Variants in RHOA observed in about 807,000 individuals in gnomAD.
RHOA encodes the protein transforming protein RhoA.
RHOA carries 3 observed loss-of-function variants against 17.5 expected under a neutral mutation model. The observed-to-expected ratio is 0.17, with a 90% confidence interval of 0.08 to 0.44. The LOEUF (loss-of-function observed/expected upper bound fraction) is 0.44, where lower values mean the gene tolerates loss of function less well. RHOA is among the 20% of genes least tolerant of loss of function. The pLI is 0.99. For missense variants in RHOA, 56 were observed against 242.3 expected (o/e 0.23, Z 5.10); for synonymous variants, 98 against 88.4 (o/e 1.11, Z -0.61).
chr3:49,390,499 G>A (rs2107877689), intron 1 of RHOA, among the ~76,000 whole-genome samples: 1 of 151,480 alleles, frequency 6.6e-6, no homozygotes, highest in East Asian at 2.0e-4. Flanking sequence ...CCTGACCACA[G>A]GTAATTCGCC....
At chr3:49,383,422 A>AG in intron 1 of RHOA, among the ~76,000 whole-genome samples, 1 of 151,348 alleles carries the variant, frequency 6.6e-6, no homozygotes, top group East Asian at 1.9e-4. Flanking sequence ...TCCATCTCAA[A>AG]AAAAAAAAAA....
intron 1 of RHOA, among the ~76,000 whole-genome samples, chr3:49,410,724 TACA>T (rs2048918517): frequency 6.6e-6 from 1 of 152,226 alleles, no homozygotes; most frequent in South Asian, 2.1e-4. Context: ...TCTCTCCACA[TACA>T]ACATTTTAAA....
At chr3:49,403,038 TAA>T (rs34145759) in intron 1 of RHOA, among the ~76,000 whole-genome samples, 7 of 136,126 alleles carry the variant, frequency 5.1e-5, no homozygotes, top group Admixed American at 7.4e-5. Flanking sequence ...TTCCATCTCA[TAA>T]AAAAAAAAAA....
intron 1 of RHOA, among the ~76,000 whole-genome samples, chr3:49,404,742 A>AACATGGTT (rs1206118689): frequency 6.7e-6 from 1 of 150,124 alleles, no homozygotes; most frequent in East Asian, 2.0e-4. Context: ...CAGCCTGGGC[A>AACATGGTT]ACATGGTTAA....
chr3:49,361,225 A>G (rs2047966262), intron 4 of RHOA, among the ~76,000 whole-genome samples: 1 of 152,174 alleles, frequency 6.6e-6, no homozygotes, highest in Non-Finnish European at 1.5e-5. Flanking sequence ...GGAGCCCTGG[A>G]AGGTTAAGGA....
At chr3:49,402,991 C>T (rs527265778) in intron 1 of RHOA, among the ~76,000 whole-genome samples, 1 of 147,548 alleles carries the variant, frequency 6.8e-6, no homozygotes, top group Admixed American at 6.8e-5. Context: ...GAGTTGAGAT[C>T]GTGCCACTGC....
intron 1 of RHOA, among the ~76,000 whole-genome samples, chr3:49,406,173 G>C (rs2048829896): frequency 6.6e-6 from 1 of 152,052 alleles, no homozygotes; most frequent in Non-Finnish European, 1.5e-5. Flanking sequence ...TTAACAAAGT[G>C]TTACAACATT....
At chr3:49,399,178 G>A (rs1250582200) in intron 1 of RHOA, among the ~76,000 whole-genome samples, 4 of 151,262 alleles carry the variant, frequency 2.6e-5, no homozygotes, top group Middle Eastern at 3.4e-3. Flanking sequence ...GACCACCCTG[G>A]CTGACACAGT....
intron 2 of RHOA, 137 bp from the exon 3 acceptor site, chr3:49,368,685 G>GT (rs1553631998): frequency 3.1e-6 from 2 of 649,690 alleles, no homozygotes; most frequent in Non-Finnish European, 5.2e-6. Flanking sequence ...AAACACAGGA[G>GT]TATTTACATT....
chr3:49,391,954 A>G (rs2048518801), intron 1 of RHOA, among the ~76,000 whole-genome samples: 1 of 149,682 alleles, frequency 6.7e-6, no homozygotes, highest in Non-Finnish European at 1.5e-5. Flanking sequence ...CAGCCTCCCA[A>G]GTAGCTGGGA....
chr3:49,397,797 G>A (rs1432712095), intron 1 of RHOA, among the ~76,000 whole-genome samples: 1 of 152,088 alleles, frequency 6.6e-6, no homozygotes, highest in Non-Finnish European at 1.5e-5. Flanking sequence ...ACTCCCAAGG[G>A]ACTGATCCAC....
intron 1 of RHOA, among the ~76,000 whole-genome samples, chr3:49,407,315 C>A (rs1330448001): frequency 3.7e-5 from 5 of 136,156 alleles, no homozygotes; most frequent in African/African-American, 1.3e-4. Context: ...CTCACAGCAA[C>A]CTCCGCCTCC....
intron 1 of RHOA, among the ~76,000 whole-genome samples, chr3:49,404,019 G>A (rs1389188348): frequency 6.8e-6 from 1 of 146,112 alleles, no homozygotes; most frequent in Non-Finnish European, 1.5e-5. Context: ...GTTGAAGATA[G>A]CTGGACTCAG....
intron 1 of RHOA, among the ~76,000 whole-genome samples, chr3:49,404,286 A>G (rs1240237887): frequency 9.7e-6 from 1 of 103,424 alleles, no homozygotes; most frequent in East Asian, 2.6e-4. Flanking sequence ...CTAGATGACA[A>G]AACAAGACCT....
At chr3:49,372,856 T>C (rs902293657) in intron 2 of RHOA, among the ~76,000 whole-genome samples, 4 of 151,994 alleles carry the variant, frequency 2.6e-5, no homozygotes, top group African/African-American at 9.7e-5. Flanking sequence ...AGAACCTTGA[T>C]GTCACCTATA....
chr3:49,403,242 G>A (rs990483103), intron 1 of RHOA, among the ~76,000 whole-genome samples: 1 of 152,108 alleles, frequency 6.6e-6, no homozygotes, highest in Non-Finnish European at 1.5e-5. Context: ...GGAGGCTGAG[G>A]CAGGGGAATC....
At chr3:49,361,641 G>A (rs556179647) in intron 4 of RHOA, among the ~76,000 whole-genome samples, 2 of 152,316 alleles carry the variant, frequency 1.3e-5, no homozygotes, top group South Asian at 2.1e-4. Context: ...AGCACTTTGG[G>A]AGGCCAAGGC....
intron 1 of RHOA, among the ~76,000 whole-genome samples, chr3:49,396,490 C>T (rs2048618526): frequency 6.6e-6 from 1 of 151,990 alleles, no homozygotes; most frequent in East Asian, 1.9e-4. Flanking sequence ...GGGCGGATCA[C>T]GAGGTCAGCA....
At position 49,360,150 on chromosome 3, in the gene RHOA, A is replaced by G. The variant is rs2047937777; in HGVS notation, c.*59T>C. On this transcript the variant is annotated 3_prime_UTR_variant, in exon 5 of 5. Coordinates refer to ENST00000418115, the MANE Select transcript of RHOA (RefSeq NM_001664.4). Reference sequence around the variant, plus strand: ...TGAAAAAGGCCAGTAATCATACACTAAGATTAATAAACAGCACTTCAAAAT... The same window carrying G: ...TGAAAAAGGCCAGTAATCATACACTGAGATTAATAAACAGCACTTCAAAAT... 3.3e-6 allele frequency: 5 copies of G among 1,500,516 alleles called. No homozygotes were observed. The highest frequency in any genetic ancestry group is 1.8e-4 in the Middle Eastern group (1 of 5,682). 93.0% of individuals were successfully genotyped at this position (1,500,516 alleles called of 1,614,324 possible). A position where few individuals can be genotyped will look rare whatever the true frequency, so the allele number is the denominator to read the frequency against.
Sources: gnomAD v4.1 joint callset for allele counts (sites outside exome capture counted in the v4.1 genomes callset) on GRCh38, gnomAD v4.1.1 for gene constraint, MANE v1.5 for transcripts, NCBI Gene and HGNC (gene_info 2026-07-23, HGNC 2026-07-21) for gene names.